Variants in METTL15 observed in about 807,000 individuals in gnomAD.
METTL15 encodes methyltransferase 15, mitochondrial 12S rRNA N4-cytidine.
METTL15 carries 34 observed loss-of-function variants against 38.3 expected under a neutral mutation model. The ratio of observed to expected loss-of-function variants is 0.89; its 90% CI spans 0.68 to 1.18. The LOEUF (loss-of-function observed/expected upper bound fraction) is 1.18, where lower values mean the gene tolerates loss of function less well. METTL15 is among the 50% of genes most tolerant of loss of function. The probability of loss-of-function intolerance (pLI) is 0.00; values close to 1 mark genes in which losing one functional copy is unlikely to be tolerated. For synonymous variants in METTL15, 162 were observed against 170.9 expected (o/e 0.95, Z 0.41); for missense variants, 438 against 498.4 (o/e 0.88, Z 1.15).
chr11:28,287,156 ATGTG>A (rs150235421), intron 4 of METTL15: 28,933 of 140,384 alleles, frequency 0.21, 3,016 homozygotes, highest in South Asian at 0.36. Context: ...GAGAGAGACA[ATGTG>A]TGTGTGTGTG....
Position 28,211,071 on chromosome 11 carries a change from G to A in METTL15, c.280G>A (p.Asp94Asn). The change falls in exon 4 of 7, where the codon GAT becomes AAT. Residue 94 changes from aspartate (D) to asparagine (N), a missense_variant. By Grantham distance (23) the Asp-to-Asn change is conservative (BLOSUM62 1). Transcript: ENST00000407364. Reference sequence around the variant, plus strand: ...TTTCTGTGTTTGCTAGATTTTTCTAGATATGACATTTGGTTCGGGAGGGCA... The same window carrying A: ...TTTCTGTGTTTGCTAGATTTTTCTAAATATGACATTTGGTTCGGGAGGGCA... ...LSPQKGQIFLDMTFGSGGHTK... is the reference protein window; with the variant it reads ...LSPQKGQIFLNMTFGSGGHTK... The A allele has an allele frequency of 6.2e-7, 1 of 1,606,590 alleles. No individual in the cohort carries two copies. Among genetic ancestry groups the A allele is most frequent in the South Asian group, 1.1e-5 (1 of 89,532 alleles).
chr11:28,383,514 T>C (rs1240688073), intron 5 of METTL15, among the ~76,000 whole-genome samples: 2 of 152,322 alleles, frequency 1.3e-5, no homozygotes, highest in East Asian at 1.9e-4. Context: ...ATGGTAATTC[T>C]ATTTTAAGTT....
intron 3 of METTL15, among the ~76,000 whole-genome samples, chr11:28,170,725 A>G (rs75988212): frequency 2.3e-3 from 352 of 152,280 alleles, no homozygotes; most frequent in Middle Eastern, 0.014. Flanking sequence ...TAGCATTCAA[A>G]TGCATTATAA....
chr11:28,387,479 C>A (rs953998510), intron 5 of METTL15, among the ~76,000 whole-genome samples: 3 of 151,734 alleles, frequency 2.0e-5, no homozygotes, highest in Admixed American at 6.6e-5. Context: ...ATGCAAACTA[C>A]CAAAACCGAA....
Position 28,322,527 on chromosome 11 carries a change from A to T in METTL15, c.779-7869A>T, listed in dbSNP as rs770189650. On this transcript the variant is annotated intron_variant, in intron 6 of 6. Coordinates refer to ENST00000407364, the MANE Select transcript of METTL15 (RefSeq NM_001113528.2). ...GTGATAGCTTCTAGTACTGGTAAGG[A>T]TGTGAGGAGATGGACTCTCATATAC... is the stretch of plus-strand genomic sequence containing the variant. Among the ~76,000 whole-genome samples, 4 of 152,268 alleles carry T rather than the reference A, an allele frequency of 2.6e-5. No individual in the cohort carries two copies. In the South Asian group the frequency reaches 6.2e-4, roughly 24 times the overall value.
intron 4 of METTL15, among the ~76,000 whole-genome samples, chr11:28,249,449 C>T (rs941925674): frequency 6.6e-6 from 1 of 151,928 alleles, no homozygotes; most frequent in Non-Finnish European, 1.5e-5. Context: ...CAACCCGATA[C>T]TATATTATAA....
At chr11:28,418,406 G>A (rs1850791245) in intron 5 of METTL15, among the ~76,000 whole-genome samples, 1 of 152,090 alleles carries the variant, frequency 6.6e-6, no homozygotes. Flanking sequence ...GTTTCATGTA[G>A]GTGAAGTGCT....
intron 3 of METTL15, among the ~76,000 whole-genome samples, chr11:28,115,935 T>TACACATAC (rs1851930503): frequency 7.0e-6 from 1 of 142,356 alleles, no homozygotes; most frequent in Non-Finnish European, 1.5e-5. Context: ...CACATACACA[T>TACACATAC]ACACACACAC....
chr11:28,195,900 A>T (rs1015201091), intron 3 of METTL15, among the ~76,000 whole-genome samples: 2 of 152,010 alleles, frequency 1.3e-5, no homozygotes, highest in Non-Finnish European at 2.9e-5. Flanking sequence ...ATAGGGATCC[A>T]GTTTCATTTT....
At chr11:28,335,811 A>G (rs370344682), downstream of METTL15, among the ~76,000 whole-genome samples, 19 of 152,290 alleles carry the variant, frequency 1.2e-4, no homozygotes, top group African/African-American at 4.3e-4. Context: ...AGCCCTTACC[A>G]GCAGCTGATG....
intron 3 of METTL15, among the ~76,000 whole-genome samples, chr11:28,209,292 A>C (rs935620347): frequency 1.3e-5 from 2 of 151,986 alleles, no homozygotes; most frequent in Non-Finnish European, 2.9e-5. Context: ...ATGACAAGGA[A>C]GTAGTTTATG....
chr11:28,526,848 T>A (rs967934300), exon 8 of METTL15: 1 of 152,246 alleles, frequency 6.6e-6, no homozygotes, highest in Non-Finnish European at 1.5e-5. Flanking sequence ...TTCTCAGTCA[T>A]GATTTTCTCC....
chr11:28,296,721 T>G, intron 5 of METTL15, 32 bp from the exon 6 acceptor site: 1 of 1,609,094 alleles, frequency 6.2e-7, no homozygotes, highest in Non-Finnish European at 8.5e-7. Flanking sequence ...AGAACTGATG[T>G]CAGTGAACTA....
At chr11:28,389,836 A>G (rs1382193157) in intron 5 of METTL15, among the ~76,000 whole-genome samples, 1 of 151,706 alleles carries the variant, frequency 6.6e-6, no homozygotes, top group African/African-American at 2.4e-5. Flanking sequence ...GAACTAGTTT[A>G]CAGTCCCACC....
chr11:28,161,163 C>T lies in METTL15; in HGVS notation c.270+47559C>T, dbSNP rs1850449924. Among the ~76,000 whole-genome samples the T allele has an allele frequency of 3.8e-5, 5 of 132,326 alleles. No homozygotes were observed. The South Asian group carries it at 9.5e-4, about 25-fold the overall frequency. The allele number at this position is 132,326 out of a possible 152,430, so 86.8% of individuals were successfully genotyped here. On this transcript the variant is annotated intron_variant, in intron 3 of 6. Coordinates refer to ENST00000407364, the MANE Select transcript of METTL15 (RefSeq NM_001113528.2). Reference sequence around the variant, plus strand: ...TTTGAGACTGTGTCTTGCTGTCTTGCCCAGTCTGGAGTGCAGGGTTACAAT... The same window carrying T: ...TTTGAGACTGTGTCTTGCTGTCTTGTCCAGTCTGGAGTGCAGGGTTACAAT...
At chr11:28,122,109 T>C in intron 3 of METTL15, 2 of 1,202,958 alleles carry the variant, frequency 1.7e-6, no homozygotes, top group South Asian at 1.6e-5. Flanking sequence ...TCTTACTCAC[T>C]CAAAGTATCA....
chr11:28,390,098 G>C (rs1316304075), intron 5 of METTL15, among the ~76,000 whole-genome samples: 1 of 151,386 alleles, frequency 6.6e-6, no homozygotes, highest in Non-Finnish European at 1.5e-5. Context: ...TTGTAAATTT[G>C]TTTGAGTTCA....
In METTL15 at chr11:28,280,944, T is replaced by C. The variant is rs779606179; in HGVS notation, c.408-9262T>C. 3.3e-5 allele frequency among the ~76,000 whole-genome samples: 5 copies of C among 152,326 alleles called. No individual in the cohort carries two copies. The South Asian group carries it at 8.3e-4, about 25-fold the overall frequency. ...TCTTGAGTATATTAACCAGTTATCTTATAGTCCATTCTGATAACTCTATTC... is the reference window on the plus strand; with the variant it reads ...TCTTGAGTATATTAACCAGTTATCTCATAGTCCATTCTGATAACTCTATTC... On this transcript the variant is annotated intron_variant, in intron 4 of 6. Coordinates refer to ENST00000407364, the MANE Select transcript of METTL15 (RefSeq NM_001113528.2).
At chr11:28,412,169 T>C (rs1337293322) in intron 5 of METTL15, among the ~76,000 whole-genome samples, 1 of 152,032 alleles carries the variant, frequency 6.6e-6, no homozygotes, top group African/African-American at 2.4e-5. Flanking sequence ...ATAGCCATTA[T>C]GGAAAACTGT....
Sources: allele counts gnomAD v4.1 joint callset (sites outside exome capture counted in the v4.1 genomes callset), GRCh38; gene constraint gnomAD v4.1.1; transcripts MANE v1.5; gene names NCBI Gene and HGNC (gene_info 2026-07-23, HGNC 2026-07-21).